RNF19B: variants seen among roughly 807,000 people sequenced by gnomAD.
RNF19B encodes the protein ring finger protein 19B.
In RNF19B, 23 loss-of-function variants were observed where a neutral mutation model predicts 65.5. The ratio of observed to expected loss-of-function variants is 0.35; its 90% CI spans 0.25 to 0.50. The LOEUF (loss-of-function observed/expected upper bound fraction) is 0.50, where lower values mean the gene tolerates loss of function less well. Among genes scored for constraint, RNF19B ranks in the 20% least tolerant of loss-of-function variants. The pLI is 0.98. For missense variants in RNF19B, 794 were observed against 980.0 expected (o/e 0.81, Z 2.53); for synonymous variants, 372 against 379.6 (o/e 0.98, Z 0.23).
In RNF19B at chr1:32,950,933, G is replaced by A. The variant is rs568425382; in HGVS notation, c.636-1159C>T. 2.2e-4 allele frequency among the ~76,000 whole-genome samples: 33 copies of A among 150,800 alleles called. No homozygotes were observed. In the South Asian group the frequency reaches 4.6e-3, roughly 21 times the overall value. ...CGGCTCACTGCAACCTCCGCCTCCC[G>A]GGTTCAAGCGATTCTCCTGCCTCAG... is the stretch of plus-strand genomic sequence containing the variant. On this transcript the variant is annotated intron_variant, in intron 1 of 8. Coordinates refer to ENST00000235150, the MANE Select transcript of RNF19B (RefSeq NM_001300826.2).
chr1:32,964,700 GA>G lies in RNF19B; in HGVS notation c.-16del. ...TCGGAGCCCATGGCCGGCAGAGGCC[GA>G]GGAGCCAGGGGCGCCCAGCGCCGCC... On this transcript the variant is annotated 5_prime_UTR_variant, in exon 1 of 9. Coordinates refer to ENST00000235150, the MANE Select transcript of RNF19B (RefSeq NM_001300826.2). The surrounding 1 kb of genome is among the most constrained non-coding windows in gnomAD (Gnocchi z 6.5). 1 of 1,447,098 alleles carries G rather than the reference GA, an allele frequency of 6.9e-7. No individual in the cohort carries two copies. The highest frequency in any genetic ancestry group is 9.1e-7 in the Non-Finnish European group (1 of 1,103,934). The allele number at this position is 1,447,098 out of a possible 1,614,324, so 89.6% of individuals were successfully genotyped here.
chr1:32,963,901 T>C (rs1029580101), intron 1 of RNF19B, 150 bp downstream of exon 1: 94 of 1,271,718 alleles, frequency 7.4e-5, no homozygotes, highest in Non-Finnish European at 8.9e-5. Context: ...TTCACACCAC[T>C]AGTCTGGGCT....
intron 4 of RNF19B, among the ~76,000 whole-genome samples, chr1:32,946,014 C>T (rs1013375196): frequency 6.6e-6 from 1 of 152,090 alleles, no homozygotes; most frequent in East Asian, 1.9e-4. Context: ...TAGGCACATG[C>T]CACCATACCC....
chr1:32,932,272 C>A (rs12409346), downstream of RNF19B, among the ~76,000 whole-genome samples: 1 of 152,134 alleles, frequency 6.6e-6, no homozygotes, highest in Non-Finnish European at 1.5e-5. Flanking sequence ...GAAAACATAT[C>A]GCAAACTGCT....
chr1:32,942,480 C>T, intron 6 of RNF19B, 21 bp from the exon 7 acceptor site: 1 of 1,603,008 alleles, frequency 6.2e-7, no homozygotes, highest in African/African-American at 1.3e-5. Flanking sequence ...AACCAAACAT[C>T]CAATTCAAGA....
At chr1:32,952,456 A>AC (rs1642529225) in intron 1 of RNF19B, among the ~76,000 whole-genome samples, 1 of 145,430 alleles carries the variant, frequency 6.9e-6, no homozygotes, top group Non-Finnish European at 1.5e-5. Flanking sequence ...AAAAAAAAAA[A>AC]AAACAGCCTG....
In RNF19B at chr1:32,937,131, CCTT is replaced by C. The variant is rs750549922; in HGVS notation, c.1868_1870del (p.Glu623del). 1.2e-5 allele frequency: 20 copies of C among 1,614,116 alleles called. No homozygotes were observed. Among genetic ancestry groups the C allele is most frequent in the Middle Eastern group, 3.3e-4 (2 of 6,084 alleles). On this transcript the variant is annotated inframe_deletion, in exon 9 of 9. Coordinates refer to ENST00000235150, the MANE Select transcript of RNF19B (RefSeq NM_001300826.2). ...CTCTTCACTGCCTCCGCCACCACTACCTTCTTCTTCATTCTCTGCCATCTGAGC... is the reference window on the plus strand; with the variant it reads ...CTCTTCACTGCCTCCGCCACCACTACCTTCTTCATTCTCTGCCATCTGAGC...
chr1:32,948,011 C>T (rs1304648779), intron 3 of RNF19B, among the ~76,000 whole-genome samples: 1 of 151,986 alleles, frequency 6.6e-6, no homozygotes, highest in Non-Finnish European at 1.5e-5. Flanking sequence ...AGGGAAAAAG[C>T]AAGTCCAGAC....
At chr1:32,929,301 G>C in the RNF19B span, among the ~76,000 whole-genome samples, 1 of 152,112 alleles carries the variant, frequency 6.6e-6, no homozygotes, top group Non-Finnish European at 1.5e-5. Context: ...AATCGAATTA[G>C]GGGGCCACCC....
chr1:32,936,995 A>C lies in RNF19B; in HGVS notation c.2007T>G (p.Ser669=), dbSNP rs767594434. ...CTGGCACATCGTCTGACTGTGCATC[A>C]GAACTCTCTAGGTCACTGCGGATGC... ...PESIRSDLES[S]DAQSDDVPDI... Residue 669 remains serine (S), a synonymous_variant, in exon 9 of 9, where the codon TCT becomes TCG. Transcript: ENST00000235150. The C allele has an allele frequency of 6.2e-7, 1 of 1,614,176 alleles. No homozygotes were observed. Among genetic ancestry groups the C allele is most frequent in the Admixed American group, 1.7e-5 (1 of 60,020 alleles).
chr1:32,951,939 C>T (rs539448308), intron 1 of RNF19B, among the ~76,000 whole-genome samples: 5 of 149,688 alleles, frequency 3.3e-5, no homozygotes, highest in Admixed American at 6.7e-5. Flanking sequence ...GGATTACAGG[C>T]GCCCGCCACC....
intron 1 of RNF19B, among the ~76,000 whole-genome samples, chr1:32,953,061 G>A (rs1463050936): frequency 1.3e-5 from 2 of 150,166 alleles, no homozygotes; most frequent in Non-Finnish European, 3.0e-5. Context: ...GAAACTCCTG[G>A]GCTCAAGTGA....
intron 1 of RNF19B, among the ~76,000 whole-genome samples, chr1:32,950,696 T>C (rs1642473273): frequency 6.6e-6 from 1 of 151,530 alleles, no homozygotes; most frequent in Admixed American, 6.6e-5. Flanking sequence ...ACCACCACAC[T>C]TGGCTAATTT....
intron 1 of RNF19B, among the ~76,000 whole-genome samples, chr1:32,953,894 C>A: frequency 6.6e-6 from 1 of 150,652 alleles, no homozygotes; most frequent in African/African-American, 2.4e-5. Flanking sequence ...TCCCCCAGCC[C>A]CCACTTCTTT....
At chr1:32,959,151 G>C (rs35020275) in intron 1 of RNF19B, among the ~76,000 whole-genome samples, 2 of 152,156 alleles carry the variant, frequency 1.3e-5, no homozygotes, top group African/African-American at 4.8e-5. Flanking sequence ...GTCCAGTCTA[G>C]TTGTCTGGGA....
intron 3 of RNF19B, among the ~76,000 whole-genome samples, chr1:32,947,444 G>C (rs1642391479): frequency 6.6e-6 from 1 of 152,166 alleles, no homozygotes. Flanking sequence ...CGGACCACCT[G>C]AGGTTCGAGT....
intron 4 of RNF19B, 141 bp from the exon 5 acceptor site, chr1:32,945,769 A>T (rs1353811249): frequency 1.9e-6 from 1 of 536,556 alleles, no homozygotes; most frequent in Non-Finnish European, 3.4e-6. Context: ...TCTTTATCAA[A>T]TTTTAACCTA....
At chr1:32,934,872 A>T (rs1426881864), downstream of RNF19B, among the ~76,000 whole-genome samples, 1 of 152,042 alleles carries the variant, frequency 6.6e-6, no homozygotes, top group Non-Finnish European at 1.5e-5. Context: ...TCACTCTGTC[A>T]CCCAGGCTGG....
At chr1:32,961,665 T>C (rs1013432681) in intron 1 of RNF19B, among the ~76,000 whole-genome samples, 24 of 152,110 alleles carry the variant, frequency 1.6e-4, no homozygotes, top group Non-Finnish European at 2.9e-5. Flanking sequence ...TATAACTATA[T>C]ATATGATTAT....
Sources: allele counts gnomAD v4.1 joint callset (sites outside exome capture counted in the v4.1 genomes callset), GRCh38; gene constraint gnomAD v4.1.1; non-coding constraint Gnocchi (gnomAD v3.1); transcripts MANE v1.5; gene names NCBI Gene and HGNC (gene_info 2026-07-23, HGNC 2026-07-21).